Variants in DNAH3 observed in about 807,000 individuals in gnomAD.
The protein encoded by DNAH3 is axonemal beta dynein heavy chain 3.
DNAH3 carries 332 observed loss-of-function variants against 432.5 expected under a neutral mutation model. The observed-to-expected ratio is 0.77, with a 90% CI of 0.70 to 0.84. DNAH3 has a LOEUF of 0.84. Among genes scored for constraint, DNAH3 ranks in the 40% least tolerant of loss-of-function variants. The pLI is 0.00. For missense variants in DNAH3, 4,861 were observed against 5,114.0 expected (o/e 0.95, Z 1.51); for synonymous variants, 1,956 against 1,900.2 (o/e 1.03, Z -0.76).
At position 21,007,842 on chromosome 16, in the gene DNAH3, T is replaced by G. The variant is rs189252063; in HGVS notation, c.6023-4635A>C. ...GTTTTATAGTTTTAGCTTTTACATT[T>G]AAGTCTTTGACCTATTTTGAGTTAA... On this transcript the variant is annotated intron_variant, in intron 41 of 61. Coordinates refer to ENST00000261383, the Ensembl canonical transcript of DNAH3. Among the ~76,000 whole-genome samples, 16 of 152,370 alleles carry G rather than the reference T, an allele frequency of 1.1e-4. No individual in the cohort carries two copies. The East Asian group carries it at 1.9e-3, about 18-fold the overall frequency.
intron 44 of DNAH3, among the ~76,000 whole-genome samples, chr16:20,993,972 G>GT (rs986473930): frequency 2.0e-5 from 3 of 151,778 alleles, no homozygotes; most frequent in African/African-American, 7.3e-5. Flanking sequence ...TTCTCAAAAT[G>GT]TTTTTTTCTT....
Position 20,952,547 on chromosome 16 carries a change from A to G in DNAH3, c.11074T>C (p.Trp3692Arg), listed in dbSNP as rs2084363945. 6.3e-7 allele frequency: 1 copy of G among 1,596,108 alleles called. No individual in the cohort carries two copies. Among genetic ancestry groups the G allele is most frequent in the Admixed American group, 1.7e-5 (1 of 59,908 alleles). Residue 3692 changes from tryptophan to arginine, a missense_variant and splice_region_variant, in exon 56 of 62, where the codon TGG becomes CGG. Coordinates refer to ENST00000261383, the Ensembl canonical transcript of DNAH3. ...TCGTTGAATTCATAGGGAATATTCCACCCTGCGTGTGGGAGAGCAGAGAGA... is the reference window on the plus strand; with the variant it reads ...TCGTTGAATTCATAGGGAATATTCCGCCCTGCGTGTGGGAGAGCAGAGAGA...
chr16:20,936,649 C>T, exon 60 of DNAH3: 5 of 1,592,456 alleles, frequency 3.1e-6, no homozygotes, highest in Non-Finnish European at 4.3e-6. Flanking sequence ...TCCCAGGTAC[C>T]TGGAAGAAGG....
intron 20 of DNAH3, among the ~76,000 whole-genome samples, chr16:21,078,271 G>A (rs1284777623): frequency 7.3e-5 from 6 of 82,534 alleles, no homozygotes; most frequent in South Asian, 9.0e-4. Flanking sequence ...GTAAAATTCC[G>A]TCTCAAAAAA....
Position 20,959,172 on chromosome 16 carries a change from A to G in DNAH3, c.10826+7T>C. On this transcript the variant is annotated splice_region_variant and intron_variant, in intron 54 of 61. Transcript: ENST00000261383. Reference sequence around the variant, plus strand: ...CCAGAGAAGGCAGTGGTGGGACAGCATCTCACCTGAATCTGGCATTGGTGC... The same window carrying G: ...CCAGAGAAGGCAGTGGTGGGACAGCGTCTCACCTGAATCTGGCATTGGTGC... The G allele has an allele frequency of 6.2e-7, 1 of 1,612,938 alleles. No individual in the cohort carries two copies.
chr16:21,100,642 AG>A (rs1291519461), intron 16 of DNAH3, among the ~76,000 whole-genome samples: 1 of 152,140 alleles, frequency 6.6e-6, no homozygotes, highest in Non-Finnish European at 1.5e-5. Flanking sequence ...TATGGCAGAG[AG>A]CAGCAGCTCA....
rs146374901 is a variant in DNAH3 at position 21,112,388 on chromosome 16, C to A, written c.1815-290G>T. 5.2e-4 allele frequency among the ~76,000 whole-genome samples: 79 copies of A among 152,142 alleles called. No homozygotes were observed. In the East Asian group the frequency reaches 0.014, roughly 26 times the overall value. ...ACTGCTGATAGAGACATACTCGAGA[C>A]TGGGAAGAAAAAGAGGTTTAATTGG... On this transcript the variant is annotated intron_variant, in intron 12 of 61. Coordinates refer to ENST00000261383, the Ensembl canonical transcript of DNAH3.
At chr16:20,963,247 G>T in intron 53 of DNAH3, 37 bp downstream of exon 53, 1 of 1,586,974 alleles carries the variant, frequency 6.3e-7, no homozygotes, top group South Asian at 1.1e-5. Context: ...ACACATACTG[G>T]GCTTTCCACG....
chr16:21,049,923 G>A (rs2089881963), exon 30 of DNAH3: 4 of 1,614,046 alleles, frequency 2.5e-6, no homozygotes. Flanking sequence ...CTTAGCCAAG[G>A]CTTTGGCCAA....
intron 18 of DNAH3, among the ~76,000 whole-genome samples, chr16:21,095,081 G>A (rs927899788): frequency 6.6e-6 from 1 of 152,188 alleles, no homozygotes; most frequent in African/African-American, 2.4e-5. Flanking sequence ...CTGATGAAGA[G>A]GTGGAACAAC....
At chr16:21,133,900 C>T (rs1464863147) in intron 7 of DNAH3, among the ~76,000 whole-genome samples, 12 of 152,100 alleles carry the variant, frequency 7.9e-5, no homozygotes, top group East Asian at 5.8e-4. Context: ...TTAACATTAT[C>T]GCAAATTTAG....
At chr16:20,987,797 C>T in exon 46 of DNAH3, 1 of 1,614,106 alleles carries the variant, frequency 6.2e-7, no homozygotes, top group South Asian at 1.1e-5. Flanking sequence ...AAGAAGTTCT[C>T]CACTGCATCT....
chr16:21,152,351 C>G (rs921491651), intron 1 of DNAH3, among the ~76,000 whole-genome samples: 7 of 152,396 alleles, frequency 4.6e-5, no homozygotes, highest in African/African-American at 1.4e-4. Context: ...GTCCACTGCT[C>G]TTTCCATAAC....
chr16:21,010,872 C>G (rs759943351), intron 41 of DNAH3, among the ~76,000 whole-genome samples: 1 of 151,348 alleles, frequency 6.6e-6, no homozygotes, highest in African/African-American at 2.4e-5. Flanking sequence ...TGAACCACCA[C>G]GCCCGGCCAA....
chr16:21,108,886 C>A (rs1383792671), intron 14 of DNAH3, among the ~76,000 whole-genome samples: 1 of 152,026 alleles, frequency 6.6e-6, no homozygotes, highest in Non-Finnish European at 1.5e-5. Context: ...CTTTGGGAGG[C>A]CAAGGCAGGC....
rs146634159 is a variant in DNAH3, at chr16:21,141,059, A to C, written c.521+241T>G. 9.8e-3 allele frequency among the ~76,000 whole-genome samples: 1,490 copies of C among 152,218 alleles called. 13 individuals carry two copies. The highest frequency in any genetic ancestry group is 0.011 in the Non-Finnish European group (781 of 68,006). ...GAGGCTAAGGAAGGAGAGTCGCTTG[A>C]ACCCGGGAGGCAGATGTTGCAGCAA... On this transcript the variant is annotated intron_variant, in intron 4 of 61. Coordinates refer to ENST00000261383, the Ensembl canonical transcript of DNAH3.
intron 1 of DNAH3, among the ~76,000 whole-genome samples, chr16:21,153,208 T>C (rs2092874509): frequency 6.6e-6 from 1 of 152,158 alleles, no homozygotes; most frequent in South Asian, 2.1e-4. Context: ...GGAGAACCTT[T>C]ATGTCTAGCT....
intron 51 of DNAH3, among the ~76,000 whole-genome samples, chr16:20,971,037 T>G (rs2085319938): frequency 6.6e-6 from 1 of 151,814 alleles, no homozygotes; most frequent in Admixed American, 6.6e-5. Flanking sequence ...CTGACTAATT[T>G]TTGTATTTTT....
intron 38 of DNAH3, among the ~76,000 whole-genome samples, chr16:21,025,884 C>G (rs1297117076): frequency 6.6e-6 from 1 of 152,088 alleles, no homozygotes; most frequent in Middle Eastern, 3.2e-3. Flanking sequence ...CGGGCACCCA[C>G]CACCATGCTT....
Sources: gnomAD v4.1 joint callset for allele counts (sites outside exome capture counted in the v4.1 genomes callset) on GRCh38, gnomAD v4.1.1 for gene constraint, MANE v1.5 for transcripts, NCBI Gene and HGNC (gene_info 2026-07-23, HGNC 2026-07-21) for gene names.